ST6GALNAC2: variants seen among roughly 807,000 people sequenced by gnomAD.
ST6GALNAC2 encodes ST6 N-acetylgalactosaminide alpha-2,6-sialyltransferase 2, also known as alpha-N-acetylgalactosaminide alpha-2,6-sialyltransferase 2.
ST6GALNAC2 carries 42 observed loss-of-function variants against 38.7 expected under a neutral mutation model. The ratio of observed to expected loss-of-function variants is 1.09; its 90% CI spans 0.85 to 1.40. The LOEUF is 1.40. Among genes scored for constraint, ST6GALNAC2 ranks in the 40% most tolerant of loss-of-function variants. The pLI is 0.00. For missense variants in ST6GALNAC2, 506 were observed against 481.7 expected, an observed-to-expected ratio of 1.05 and a Z score of -0.47; for synonymous variants, 233 against 209.0, an observed-to-expected ratio of 1.11 and a Z score of -0.99.
At chr17:76,578,723 T>G (rs781618386) in intron 2 of ST6GALNAC2, 33 bp downstream of exon 2, 1 of 1,601,344 alleles carries the variant, frequency 6.2e-7, no homozygotes, top group Non-Finnish European at 8.5e-7. Context: ...TTGAGGGTGC[T>G]CAAAACTGCC....
intron 5 of ST6GALNAC2, among the ~76,000 whole-genome samples, 199 bp downstream of exon 5, chr17:76,572,438 C>G (rs1364056685): frequency 6.6e-6 from 1 of 152,176 alleles, no homozygotes; most frequent in Non-Finnish European, 1.5e-5. Flanking sequence ...GCAGAGGAGT[C>G]CCGTGACGCC....
At chr17:76,585,438 G>A (rs1047733021) in intron 1 of ST6GALNAC2, among the ~76,000 whole-genome samples, 5 of 152,252 alleles carry the variant, frequency 3.3e-5, no homozygotes, top group African/African-American at 9.6e-5. Context: ...GGTCGCCAGT[G>A]CACAGGGGCG....
chr17:76,583,458 G>A (rs953596331), intron 1 of ST6GALNAC2, among the ~76,000 whole-genome samples: 1 of 151,964 alleles, frequency 6.6e-6, no homozygotes, highest in African/African-American at 2.4e-5. Flanking sequence ...GTTACAGTGA[G>A]CCAAGATAGA....
chr17:76,574,246 G>C (rs1372570547), intron 3 of ST6GALNAC2, 119 bp downstream of exon 3: 1 of 1,201,828 alleles, frequency 8.3e-7, no homozygotes, highest in Non-Finnish European at 1.2e-6. Flanking sequence ...GGAGGAGAGA[G>C]GGGGACAGGG....
At chr17:76,568,390 T>C in intron 7 of ST6GALNAC2, 1 of 315,650 alleles carries the variant, frequency 3.2e-6, no homozygotes, top group South Asian at 4.4e-5. Context: ...CTGAAGGTTC[T>C]GATGCCCTGC....
intron 1 of ST6GALNAC2, chr17:76,580,921 C>G (rs2075467878): frequency 6.6e-6 from 1 of 152,038 alleles, no homozygotes; most frequent in Non-Finnish European, 1.5e-5. Flanking sequence ...CTAGGTGGCC[C>G]CTGAATCAGG....
At chr17:76,580,412 C>G (rs535070017) in intron 1 of ST6GALNAC2, among the ~76,000 whole-genome samples, 1 of 151,044 alleles carries the variant, frequency 6.6e-6, no homozygotes, top group Non-Finnish European at 1.5e-5. Context: ...AGTGAAACTC[C>G]TGGCCGGGTG....
At position 76,566,420 on chromosome 17, in the gene ST6GALNAC2, T is replaced by C. The variant is rs114416122; in HGVS notation, c.958-149A>G. On this transcript the variant is annotated intron_variant, in intron 8 of 8. Transcript: ENST00000225276. The stretch of plus-strand genomic sequence containing the variant: ...TATTCCCACTTAGCAAGTGGGGAGA[T>C]GGATTCAGGGGTGACTCACTGTGTC... 1,383 of 829,470 alleles carry C rather than the reference T, an allele frequency of 1.7e-3. 16 individuals carry two copies. In the African/African-American group the frequency reaches 0.021, roughly 12 times the overall value. The allele number at this position is 829,470 out of a possible 1,614,324, so 51.4% of individuals were successfully genotyped here. A position where few individuals can be genotyped will look rare whatever the true frequency, so the allele number is the denominator to read the frequency against.
Position 76,566,031 on chromosome 17 carries a change from A to T in ST6GALNAC2, c.*73T>A, listed in dbSNP as rs533234972. The T allele has an allele frequency of 6.7e-7, 1 of 1,499,046 alleles. No individual in the cohort carries two copies. Among genetic ancestry groups the T allele is most frequent in the Non-Finnish European group, 9.0e-7 (1 of 1,111,920 alleles). 92.9% of individuals were successfully genotyped at this position (1,499,046 alleles called of 1,614,324 possible). A position where few individuals can be genotyped will look rare whatever the true frequency, so the allele number is the denominator to read the frequency against. ...AAGGGAAGGTGAAGATTGAAAAGTTAAAAAAGCTTTTGGCCACTTGAGAGG... is the reference window on the plus strand; with the variant it reads ...AAGGGAAGGTGAAGATTGAAAAGTTTAAAAAGCTTTTGGCCACTTGAGAGG... On this transcript the variant is annotated 3_prime_UTR_variant, in exon 9 of 9. Coordinates refer to ENST00000225276, the MANE Select transcript of ST6GALNAC2 (RefSeq NM_006456.3).
chr17:76,570,796 C>G, intron 5 of ST6GALNAC2, 128 bp from the exon 6 acceptor site: 1 of 699,612 alleles, frequency 1.4e-6, no homozygotes, highest in Non-Finnish European at 2.5e-6. Context: ...CCTTTCATTC[C>G]CACCCAGAGG....
intron 2 of ST6GALNAC2, among the ~76,000 whole-genome samples, chr17:76,578,139 G>T (rs541061951): frequency 1.3e-5 from 2 of 152,132 alleles, no homozygotes; most frequent in African/African-American, 4.8e-5. Context: ...GTTGTATCGC[G>T]CAATGGTTCT....
intron 1 of ST6GALNAC2, among the ~76,000 whole-genome samples, chr17:76,583,015 T>C (rs1190516386): frequency 6.6e-6 from 1 of 152,240 alleles, no homozygotes; most frequent in Non-Finnish European, 1.5e-5. Flanking sequence ...AATAGAAGTA[T>C]AGTAAACTTC....
At chr17:76,577,294 C>G (rs1424579065) in intron 2 of ST6GALNAC2, among the ~76,000 whole-genome samples, 1 of 151,692 alleles carries the variant, frequency 6.6e-6, no homozygotes, top group Non-Finnish European at 1.5e-5. Flanking sequence ...TCTTGAACTC[C>G]TGATCTCAGG....
intron 5 of ST6GALNAC2, 90 bp downstream of exon 5, chr17:76,572,547 G>C: frequency 6.8e-7 from 1 of 1,471,990 alleles, no homozygotes; most frequent in South Asian, 1.2e-5. Context: ...ACTGGACCAG[G>C]GTGTGTGAGC....
intron 6 of ST6GALNAC2, chr17:76,570,327 C>T: frequency 1.9e-6 from 1 of 519,282 alleles, no homozygotes; most frequent in Non-Finnish European, 3.5e-6. Flanking sequence ...GCCCACTGCC[C>T]CCAGAGGGCT....
intron 1 of ST6GALNAC2, among the ~76,000 whole-genome samples, chr17:76,585,332 A>C (rs1462609585): frequency 6.6e-6 from 1 of 152,200 alleles, no homozygotes; most frequent in East Asian, 1.9e-4. Context: ...CAAAAAAGGA[A>C]GTTTTTATCT....
At chr17:76,570,215 C>CCCGGAG (rs1383860851) in intron 6 of ST6GALNAC2, 3 of 264,190 alleles carry the variant, frequency 1.1e-5, no homozygotes, top group African/African-American at 6.6e-5. Context: ...CAGTCTGTGA[C>CCCGGAG]CCGGAGCCGC....
chr17:76,572,952 T>C (rs111407831), intron 4 of ST6GALNAC2, among the ~76,000 whole-genome samples, 177 bp from the exon 5 acceptor site: 20 of 152,218 alleles, frequency 1.3e-4, no homozygotes, highest in African/African-American at 3.4e-4. Flanking sequence ...CCTCAAGGGG[T>C]GACGCCCTGT....
chr17:76,565,423 C>T lies in ST6GALNAC2; in HGVS notation c.*681G>A, dbSNP rs2075266173. On this transcript the variant is annotated 3_prime_UTR_variant, in exon 9 of 9. Transcript: ENST00000225276. ...CCTGGTGACATCATCCTGTTGGTGA[C>T]AAGGTGGTGATACATCTCTAATGGG... The T allele has an allele frequency of 6.6e-6, 1 of 150,578 alleles. No homozygotes were observed. The highest frequency in any genetic ancestry group is 1.5e-5 in the Non-Finnish European group (1 of 67,848). The allele number at this position is 150,578 out of a possible 1,614,324, so 9.3% of individuals were successfully genotyped here. A position where few individuals can be genotyped will look rare whatever the true frequency, so the allele number is the denominator to read the frequency against.
Sources: gnomAD v4.1 joint callset for allele counts (sites outside exome capture counted in the v4.1 genomes callset) on GRCh38, gnomAD v4.1.1 for gene constraint, MANE v1.5 for transcripts, NCBI Gene and HGNC (gene_info 2026-07-23, HGNC 2026-07-21) for gene names.